RANBP2: variants seen among roughly 807,000 people sequenced by gnomAD.
RANBP2 encodes E3 SUMO-protein ligase RanBP2.
RANBP2 carries 57 observed loss-of-function variants against 303.6 expected under a neutral mutation model. That is an observed-to-expected ratio of 0.19 (90% CI 0.15 to 0.23). The LOEUF is 0.23. RANBP2 is among the 10% of genes least tolerant of loss of function. RANBP2 has a pLI of 1.00. For missense variants in RANBP2, 3,138 were observed against 3,780.8 expected (o/e 0.83, Z 4.46); for synonymous variants, 1,167 against 1,301.5 (o/e 0.90, Z 2.23).
chr2:108,951,572 C>A, the RANBP2 span, among the ~76,000 whole-genome samples: 1 of 152,114 alleles, frequency 6.6e-6, no homozygotes, highest in Admixed American at 6.5e-5. Context: ...ATACACAATC[C>A]TGTATAGATA....
chr2:109,246,573 T>A, the RANBP2 span, among the ~76,000 whole-genome samples: 1 of 151,662 alleles, frequency 6.6e-6, no homozygotes. Context: ...GGCTGGAGAG[T>A]GTAGATGTTT....
the RANBP2 span, among the ~76,000 whole-genome samples, chr2:109,031,823 C>G: frequency 6.6e-6 from 1 of 152,144 alleles, no homozygotes; most frequent in African/African-American, 2.4e-5. Context: ...CCTCCTTCCT[C>G]TAAGTATTTT....
chr2:109,256,491 T>A, the RANBP2 span, among the ~76,000 whole-genome samples: 1 of 152,088 alleles, frequency 6.6e-6, no homozygotes, highest in East Asian at 1.9e-4. Context: ...AGATTTGAGA[T>A]CAGTCACAAA....
the RANBP2 span, among the ~76,000 whole-genome samples, chr2:109,704,289 C>A: frequency 2.0e-5 from 3 of 152,146 alleles, no homozygotes; most frequent in African/African-American, 7.2e-5. Context: ...GTGGCTCATG[C>A]CTGTAATCCT....
At chr2:108,951,667 C>T in the RANBP2 span, among the ~76,000 whole-genome samples, 2 of 152,058 alleles carry the variant, frequency 1.3e-5, no homozygotes, top group South Asian at 4.2e-4. Context: ...TCACTAAAGC[C>T]TGCAATTTCT....
At chr2:109,415,673 C>T in the RANBP2 span, among the ~76,000 whole-genome samples, 110 of 152,276 alleles carry the variant, frequency 7.2e-4, no homozygotes, top group African/African-American at 2.5e-3. Context: ...AGAACACTCT[C>T]AGGAGGCCCC....
chr2:108,774,999 T>A (rs1010216916), intron 23 of RANBP2, among the ~76,000 whole-genome samples: 3 of 152,164 alleles, frequency 2.0e-5, no homozygotes, highest in African/African-American at 7.2e-5. Context: ...GCCTAGTTTC[T>A]TAATTTAAAA....
chr2:108,962,058 T>C, the RANBP2 span, among the ~76,000 whole-genome samples: 1 of 152,228 alleles, frequency 6.6e-6, no homozygotes, highest in Non-Finnish European at 1.5e-5. Flanking sequence ...GAGAGACTTT[T>C]TTCCCTGTGT....
the RANBP2 span, among the ~76,000 whole-genome samples, chr2:109,621,256 G>A: frequency 3.3e-5 from 5 of 152,076 alleles, no homozygotes; most frequent in Admixed American, 6.6e-5. Flanking sequence ...CGGTTCAAGC[G>A]ATTTCCCTGC....
At chr2:108,958,748 G>T in the RANBP2 span, among the ~76,000 whole-genome samples, 4 of 152,236 alleles carry the variant, frequency 2.6e-5, no homozygotes, top group Non-Finnish European at 5.9e-5. Context: ...TAAAGCTCAA[G>T]CGCAAGGCTT....
chr2:109,466,072 CTT>C, the RANBP2 span, among the ~76,000 whole-genome samples: 11 of 82,382 alleles, frequency 1.3e-4, no homozygotes, highest in African/African-American at 4.4e-4. Context: ...ACCTGTACAT[CTT>C]TTTTTTTTTT....
At chr2:108,868,205 G>A in the RANBP2 span, among the ~76,000 whole-genome samples, 25 of 151,982 alleles carry the variant, frequency 1.6e-4, no homozygotes, top group Non-Finnish European at 2.5e-4. Context: ...TAAAAGTTAC[G>A]TTTATTTTCT....
At chr2:108,773,329 G>C (rs1677639982) in intron 23 of RANBP2, among the ~76,000 whole-genome samples, 1 of 151,962 alleles carries the variant, frequency 6.6e-6, no homozygotes, top group Non-Finnish European at 1.5e-5. Context: ...TGTTGGGCCA[G>C]GCTGGTCTCG....
chr2:109,028,510 G>A, the RANBP2 span, among the ~76,000 whole-genome samples: 3 of 152,244 alleles, frequency 2.0e-5, no homozygotes, highest in East Asian at 5.8e-4. Context: ...GTGGCTCATG[G>A]TGGCTGACAC....
At chr2:109,615,214 CAG>C in the RANBP2 span, 1 of 1,546,740 alleles carries the variant, frequency 6.5e-7, no homozygotes, top group Non-Finnish European at 8.7e-7. Flanking sequence ...GGGGGCGACT[CAG>C]ACAGCGCATC....
chr2:108,753,534 A>T lies in RANBP2; in HGVS notation c.2026A>T (p.Ser676Cys). 1 of 1,611,824 alleles carries T rather than the reference A, an allele frequency of 6.2e-7. No homozygotes were observed. The highest frequency in any genetic ancestry group is 8.5e-7 in the Non-Finnish European group (1 of 1,179,818). The change falls in exon 14 of 29, where the codon AGT becomes TGT. Residue 676 changes from serine (S) to cysteine (C), a missense_variant. By Grantham distance (112) the Ser-to-Cys change is moderately radical. Around this residue, in one of 20 missense-constraint regions of RANBP2, gnomAD observed 194 missense variants for 197.4 expected, o/e 0.98. Coordinates refer to ENST00000283195, the MANE Select transcript of RANBP2 (RefSeq NM_006267.5). ...TGTGACTGCTTTTGAATCTATAAAA[A>T]GTGTTGTTTCTTATTGGAATCTTGC... ...DAVTAFESIK[S>C]VVSYWNLALI...
the RANBP2 span, among the ~76,000 whole-genome samples, chr2:109,602,324 A>G: frequency 6.6e-6 from 1 of 152,206 alleles, no homozygotes; most frequent in Admixed American, 6.5e-5. Context: ...TTAAGACAAT[A>G]AAATTGCATC....
chr2:109,282,799 C>T, the RANBP2 span, among the ~76,000 whole-genome samples: 629 of 152,302 alleles, frequency 4.1e-3, 6 homozygotes, highest in African/African-American at 0.014. Context: ...TAGACCATGT[C>T]TGTGTCCTCC....
At chr2:108,788,288 C>T (rs1249446056), downstream of RANBP2, among the ~76,000 whole-genome samples, 1 of 151,998 alleles carries the variant, frequency 6.6e-6, no homozygotes, top group African/African-American at 2.4e-5. Context: ...AGCATGGTGG[C>T]GGGCGCCTGT....
Sources: gnomAD v4.1 joint callset for allele counts (sites outside exome capture counted in the v4.1 genomes callset) on GRCh38, gnomAD v4.1.1 for gene constraint, gnomAD v4.1.1 regional missense constraint, MANE v1.5 for transcripts, NCBI Gene and HGNC (gene_info 2026-07-23, HGNC 2026-07-21) for gene names.